DNAJC15: variants seen among roughly 807,000 people sequenced by gnomAD.
DNAJC15 encodes dnaJ homolog subfamily C member 15.
Under a neutral mutation model 22.4 loss-of-function variants are expected in DNAJC15, and 27 were observed. The observed-to-expected ratio is 1.20, with a 90% CI of 0.89 to 1.66. The LOEUF (loss-of-function observed/expected upper bound fraction) is 1.66. DNAJC15 is among the 40% of genes most tolerant of loss of function. DNAJC15 has a pLI of 0.00. For missense variants in DNAJC15, 208 were observed against 187.1 expected (o/e 1.11, Z -0.65); for synonymous variants, 79 against 63.2 (o/e 1.25, Z -1.19).
rs371928535 is a variant in DNAJC15 at position 43,109,454 on chromosome 13, T to C, written c.*2206T>C. On this transcript the variant is annotated 3_prime_UTR_variant, in exon 6 of 6. Transcript: ENST00000379221. The stretch of plus-strand genomic sequence containing the variant: ...TAATTTTTAAAGCTCTGCTAAGGAA[T>C]ATTGGGGCACCCTCAGATGCACCTT... The C allele has an allele frequency of 6.6e-6, 1 of 152,208 alleles. No homozygotes were observed. Among genetic ancestry groups the C allele is most frequent in the African/African-American group, 2.4e-5 (1 of 41,452 alleles). The allele number at this position is 152,208 out of a possible 1,614,324, so 9.4% of individuals were successfully genotyped here.
At chr13:43,025,612 A>G (rs925638775) in intron 1 of DNAJC15, among the ~76,000 whole-genome samples, 1 of 152,236 alleles carries the variant, frequency 6.6e-6, no homozygotes, top group Non-Finnish European at 1.5e-5. Context: ...TTAGACAATA[A>G]CATGTCTACA....
chr13:43,093,398 C>A (rs1034606189), intron 5 of DNAJC15, among the ~76,000 whole-genome samples: 12 of 151,994 alleles, frequency 7.9e-5, no homozygotes, highest in Non-Finnish European at 1.5e-4. Context: ...AAATTGTTTT[C>A]TTTTTATTTT....
intron 3 of DNAJC15, among the ~76,000 whole-genome samples, chr13:43,077,281 C>T (rs903757661): frequency 4.6e-5 from 7 of 152,280 alleles, no homozygotes; most frequent in Non-Finnish European, 1.0e-4. Flanking sequence ...GTCATTTGCA[C>T]AGCTTGGGTT....
rs764104066 is a variant in DNAJC15, at chr13:43,112,915, G to A, written c.*5667G>A. ...ATTATAAATGTGAAATTAGGTTTAC[G>A]AAAGGATCCAGTGTCATTGTGCATC... On this transcript the variant is annotated 3_prime_UTR_variant, in exon 6 of 6. Transcript: ENST00000379221. 6 of 152,186 alleles carry A rather than the reference G, an allele frequency of 3.9e-5. No homozygotes were observed. Among genetic ancestry groups the A allele is most frequent in the Non-Finnish European group, 8.8e-5 (6 of 68,028 alleles). The allele number at this position is 152,186 out of a possible 1,614,324, so 9.4% of individuals were successfully genotyped here. A position where few individuals can be genotyped will look rare whatever the true frequency, so the allele number is the denominator to read the frequency against.
rs9594869 is a variant in DNAJC15, at chr13:43,035,833, A to G, written c.108+12099A>G. Among the ~76,000 whole-genome samples, 1,031 of 152,074 alleles carry G rather than the reference A, an allele frequency of 6.8e-3. 6 individuals are homozygous for G. The highest frequency in any genetic ancestry group is 0.023 in the African/African-American group (968 of 41,464). ...TTTCCCAGGCTGAAGTGATCCTCCC[A>G]CTTCAGCTTCCCAAGGAGCTGGGAC... On this transcript the variant is annotated intron_variant, in intron 1 of 5. Transcript: ENST00000379221.
intron 2 of DNAJC15, among the ~76,000 whole-genome samples, chr13:43,067,736 G>A (rs939208427): frequency 6.6e-6 from 1 of 152,122 alleles, no homozygotes; most frequent in Non-Finnish European, 1.5e-5. Context: ...TAAACCTCCA[G>A]GTGTCACTTC....
chr13:43,028,712 T>G (rs1179223920), intron 1 of DNAJC15, among the ~76,000 whole-genome samples: 1 of 152,238 alleles, frequency 6.6e-6, no homozygotes, highest in Non-Finnish European at 1.5e-5. Flanking sequence ...TTTATGGTTC[T>G]GTGACTTTAC....
intron 1 of DNAJC15, among the ~76,000 whole-genome samples, chr13:43,026,683 TAAAGAA>T (rs1353546945): frequency 6.6e-6 from 1 of 151,926 alleles, no homozygotes; most frequent in African/African-American, 2.4e-5. Context: ...GTCAATGAGT[TAAAGAA>T]AAACTTTCAC....
chr13:43,073,847 T>G (rs541546223), intron 3 of DNAJC15, among the ~76,000 whole-genome samples: 86 of 150,900 alleles, frequency 5.7e-4, no homozygotes, highest in African/African-American at 2.0e-3. Flanking sequence ...ACAAGTGCCC[T>G]TTTGCTTGTT....
intron 1 of DNAJC15, among the ~76,000 whole-genome samples, chr13:43,024,427 T>C (rs1396624645): frequency 7.5e-6 from 1 of 133,944 alleles, no homozygotes. Context: ...CACTGCAAGC[T>C]CCGCCTCCCG....
intron 3 of DNAJC15, among the ~76,000 whole-genome samples, chr13:43,070,397 TTA>T (rs1179518531): frequency 1.3e-5 from 2 of 152,078 alleles, no homozygotes; most frequent in Non-Finnish European, 1.5e-5. Context: ...TGGGATATAG[TTA>T]TGGACCAAAG....
intron 1 of DNAJC15, among the ~76,000 whole-genome samples, chr13:43,025,041 CAGAGCT>C (rs1480788543): frequency 1.1e-4 from 16 of 151,910 alleles, no homozygotes; most frequent in Non-Finnish European, 2.1e-4. Flanking sequence ...GCCTGAGAGA[CAGAGCT>C]AGACCCTGTC....
chr13:43,046,249 G>T (rs2040476638), intron 1 of DNAJC15, among the ~76,000 whole-genome samples: 1 of 151,706 alleles, frequency 6.6e-6, no homozygotes, highest in South Asian at 2.1e-4. Flanking sequence ...TATTTACCTG[G>T]TCCAGGATAT....
At chr13:43,081,964 T>C (rs2040664016) in intron 4 of DNAJC15, among the ~76,000 whole-genome samples, 1 of 151,936 alleles carries the variant, frequency 6.6e-6, no homozygotes, top group Admixed American at 6.6e-5. Context: ...CAAGAGAGCA[T>C]GTGTAGGGGA....
At chr13:43,071,603 A>G (rs963039299) in intron 3 of DNAJC15, among the ~76,000 whole-genome samples, 2 of 152,200 alleles carry the variant, frequency 1.3e-5, no homozygotes, top group African/African-American at 4.8e-5. Flanking sequence ...AATGAATCCC[A>G]GTGTCACACC....
intron 5 of DNAJC15, among the ~76,000 whole-genome samples, chr13:43,097,085 A>G (rs1346650939): frequency 2.0e-5 from 3 of 152,208 alleles, no homozygotes; most frequent in African/African-American, 7.2e-5. Flanking sequence ...AGGCTGATAT[A>G]AAAAATGCCC....
intron 1 of DNAJC15, among the ~76,000 whole-genome samples, chr13:43,026,006 C>T (rs1262734847): frequency 6.6e-6 from 1 of 152,224 alleles, no homozygotes; most frequent in African/African-American, 2.4e-5. Context: ...TAGTTGCTGT[C>T]ATATTACACC....
intron 1 of DNAJC15, among the ~76,000 whole-genome samples, chr13:43,054,728 T>G (rs1170259080): frequency 6.6e-6 from 1 of 152,186 alleles, no homozygotes; most frequent in African/African-American, 2.4e-5. Flanking sequence ...ATCTTTTTAT[T>G]TCTGTGGTAT....
intron 1 of DNAJC15, among the ~76,000 whole-genome samples, chr13:43,041,965 G>T (rs950151132): frequency 5.9e-5 from 9 of 152,180 alleles, no homozygotes; most frequent in African/African-American, 2.2e-4. Flanking sequence ...TAGTCAGGTG[G>T]TGATATTTAA....
Sources: allele counts gnomAD v4.1 joint callset (sites outside exome capture counted in the v4.1 genomes callset), GRCh38; gene constraint gnomAD v4.1.1; transcripts MANE v1.5; gene names NCBI Gene and HGNC (gene_info 2026-07-23, HGNC 2026-07-21).